Variants in FNDC3B observed in about 807,000 individuals in gnomAD.
FNDC3B encodes the protein fibronectin type III domain containing 3B.
In FNDC3B, 12 loss-of-function variants were observed where a neutral mutation model predicts 151.5. That is an observed-to-expected ratio of 0.08 (90% CI 0.05 to 0.13). FNDC3B has a LOEUF of 0.13. Among genes scored for constraint, FNDC3B ranks in the 10% least tolerant of loss-of-function variants. FNDC3B has a pLI of 1.00. For missense variants in FNDC3B, 1,214 were observed against 1,505.3 expected, an observed-to-expected ratio of 0.81 and a Z score of 3.20; for synonymous variants, 528 against 549.0, an observed-to-expected ratio of 0.96 and a Z score of 0.54.
At chr3:172,255,961 C>T (rs1383962385) in intron 6 of FNDC3B, among the ~76,000 whole-genome samples, 3 of 152,216 alleles carry the variant, frequency 2.0e-5, no homozygotes, top group Non-Finnish European at 4.4e-5. Flanking sequence ...AGAAGGGCCA[C>T]CTTATGGTTT....
chr3:172,076,111 C>G (rs2108492713), intron 1 of FNDC3B, among the ~76,000 whole-genome samples: 1 of 152,264 alleles, frequency 6.6e-6, no homozygotes, highest in Middle Eastern at 3.4e-3. Context: ...GTCGGTTGTT[C>G]CTGGATACTT....
At chr3:172,111,142 T>G (rs1719943849) in intron 1 of FNDC3B, among the ~76,000 whole-genome samples, 1 of 151,320 alleles carries the variant, frequency 6.6e-6, no homozygotes, top group African/African-American at 2.4e-5. Context: ...ATGTCATCAA[T>G]TTGAGAAAAT....
At chr3:172,176,351 T>C (rs191044895) in intron 3 of FNDC3B, among the ~76,000 whole-genome samples, 127 of 152,324 alleles carry the variant, frequency 8.3e-4, no homozygotes, top group East Asian at 5.8e-3. Context: ...GACACAAGAA[T>C]TCTGAGTGAG....
intron 6 of FNDC3B, among the ~76,000 whole-genome samples, chr3:172,266,329 A>G (rs1156407645): frequency 6.6e-6 from 1 of 152,118 alleles, no homozygotes. Flanking sequence ...AGCACACACA[A>G]AGCTGGTGCT....
intron 3 of FNDC3B, among the ~76,000 whole-genome samples, chr3:172,161,394 G>C (rs1438728667): frequency 6.6e-6 from 1 of 152,154 alleles, no homozygotes; most frequent in African/African-American, 2.4e-5. Context: ...GAGTGCTGTG[G>C]GTCACTTGTA....
intron 6 of FNDC3B, among the ~76,000 whole-genome samples, chr3:172,284,193 G>T (rs796243117): frequency 2.2e-4 from 34 of 152,232 alleles, no homozygotes; most frequent in African/African-American, 7.2e-4. Context: ...CCTAGGGCAG[G>T]GGTCATTGAA....
At chr3:172,239,856 C>CTTTTTTTTTTTTTTTTTTTTTTT (rs71179981) in intron 4 of FNDC3B, among the ~76,000 whole-genome samples, 1 of 49,914 alleles carries the variant, frequency 2.0e-5, no homozygotes, top group Non-Finnish European at 3.6e-5. Flanking sequence ...CATTTTAGTT[C>CTTTTTTTTTTTTTTTTTTTTTTT]TTTTTTTTTT....
intron 3 of FNDC3B, among the ~76,000 whole-genome samples, chr3:172,147,310 C>CAAAA (rs34996209): frequency 1.5e-5 from 2 of 135,116 alleles, no homozygotes; most frequent in Non-Finnish European, 3.2e-5. Flanking sequence ...TGTCTCCAAA[C>CAAAA]AAAAAAAAAA....
intron 3 of FNDC3B, among the ~76,000 whole-genome samples, chr3:172,170,342 A>G (rs1314870650): frequency 3.9e-5 from 6 of 152,256 alleles, no homozygotes; most frequent in Non-Finnish European, 8.8e-5. Context: ...TCAACAAGCC[A>G]TGGTTGCCAG....
intron 3 of FNDC3B, among the ~76,000 whole-genome samples, chr3:172,212,583 A>G (rs915341845): frequency 6.6e-6 from 1 of 152,210 alleles, no homozygotes; most frequent in African/African-American, 2.4e-5. Context: ...AGAATTTAGA[A>G]ATTGTCAGCT....
Position 172,344,274 on chromosome 3 carries a change from T to C in FNDC3B, c.2250+16T>C. ...TGATGGAGGGGTGAGTATAAGCCCA[T>C]ACACCATAACCAGAATCAGAATGCA... is the stretch of plus-strand genomic sequence containing the variant. On this transcript the variant is annotated intron_variant, in intron 19 of 25. Transcript: ENST00000415807. 2 of 1,597,016 alleles carry C rather than the reference T, an allele frequency of 1.3e-6. No individual in the cohort carries two copies. Among genetic ancestry groups the C allele is most frequent in the Non-Finnish European group, 1.7e-6 (2 of 1,170,436 alleles).
rs933307897 is a variant in FNDC3B, at chr3:172,260,873, C to T, written c.790+9332C>T. ...AGCCCACAGAATGGGGTCTGACAGG[C>T]CTGCTTGATTCTGTTTGAACCCACT... On this transcript the variant is annotated intron_variant, in intron 6 of 25. Transcript: ENST00000415807. 7.2e-5 allele frequency among the ~76,000 whole-genome samples: 11 copies of T among 152,300 alleles called. No individual in the cohort carries two copies. In the East Asian group the frequency reaches 2.1e-3, roughly 29 times the overall value.
intron 3 of FNDC3B, among the ~76,000 whole-genome samples, chr3:172,200,289 AC>A (rs2108687615): frequency 6.6e-6 from 1 of 152,348 alleles, no homozygotes; most frequent in South Asian, 2.1e-4. Flanking sequence ...GGGAAACTCC[AC>A]ACAGAGGCCT....
intron 23 of FNDC3B, among the ~76,000 whole-genome samples, chr3:172,376,254 T>G (rs1169096519): frequency 6.6e-6 from 1 of 152,232 alleles, no homozygotes; most frequent in East Asian, 1.9e-4. Flanking sequence ...GATTACAAAC[T>G]TAGAGTAATG....
intron 3 of FNDC3B, among the ~76,000 whole-genome samples, chr3:172,177,912 C>T (rs1181613119): frequency 6.6e-6 from 1 of 152,028 alleles, no homozygotes; most frequent in Non-Finnish European, 1.5e-5. Context: ...CTTGTGTTCT[C>T]ATTGTTCAAC....
intron 1 of FNDC3B, among the ~76,000 whole-genome samples, chr3:172,096,105 A>G (rs1211949570): frequency 6.6e-6 from 1 of 152,212 alleles, no homozygotes; most frequent in Non-Finnish European, 1.5e-5. Flanking sequence ...AATACAACCT[A>G]GATGCTCAGG....
At chr3:172,090,253 A>G (rs1227389229) in intron 1 of FNDC3B, among the ~76,000 whole-genome samples, 2 of 152,094 alleles carry the variant, frequency 1.3e-5, no homozygotes, top group African/African-American at 4.8e-5. Context: ...TAACCAGTGG[A>G]TGGCAAATAT....
At chr3:172,217,037 C>A (rs895104004) in intron 3 of FNDC3B, among the ~76,000 whole-genome samples, 1 of 152,112 alleles carries the variant, frequency 6.6e-6, no homozygotes, top group Non-Finnish European at 1.5e-5. Flanking sequence ...CCCCGTCCCC[C>A]ACATGGTTCT....
At chr3:172,137,217 G>A (rs1472003342) in intron 3 of FNDC3B, among the ~76,000 whole-genome samples, 1 of 152,182 alleles carries the variant, frequency 6.6e-6, no homozygotes, top group Admixed American at 6.5e-5. Flanking sequence ...AAATCACATT[G>A]TATGAGGTCA....
Sources: gnomAD v4.1 joint callset for allele counts (sites outside exome capture counted in the v4.1 genomes callset) on GRCh38, gnomAD v4.1.1 for gene constraint, MANE v1.5 for transcripts, NCBI Gene and HGNC (gene_info 2026-07-23, HGNC 2026-07-21) for gene names.